Variants in SNTG2 observed in about 807,000 individuals in gnomAD.
The protein encoded by SNTG2 is syntrophin gamma 2, also known as gamma-2-syntrophin.
Under a neutral mutation model 70.9 loss-of-function variants are expected in SNTG2, and 74 were observed. The observed-to-expected ratio is 1.04, with a 90% CI of 0.86 to 1.27. The LOEUF (loss-of-function observed/expected upper bound fraction) is 1.27, where lower values mean the gene tolerates loss of function less well. Ranked by LOEUF, SNTG2 falls within the 50% of genes most tolerant of loss-of-function variation. The pLI is 0.00. For missense variants in SNTG2, 717 were observed against 690.7 expected (o/e 1.04, Z -0.43); for synonymous variants, 278 against 273.8 (o/e 1.02, Z -0.15).
chr2:1,182,116 G>A (rs961882544), intron 8 of SNTG2, among the ~76,000 whole-genome samples: 6 of 152,140 alleles, frequency 3.9e-5, no homozygotes, highest in Non-Finnish European at 5.9e-5. Context: ...GTGCAAAAAT[G>A]CTTTTCCTCG....
At chr2:1,121,087 G>A (rs748564546) in intron 4 of SNTG2, among the ~76,000 whole-genome samples, 6 of 151,634 alleles carry the variant, frequency 4.0e-5, no homozygotes, top group Non-Finnish European at 8.8e-5. Flanking sequence ...CTAAAAATCA[G>A]TAACAGGAGG....
At chr2:1,184,424 A>T (rs1672121336) in intron 8 of SNTG2, among the ~76,000 whole-genome samples, 1 of 152,240 alleles carries the variant, frequency 6.6e-6, no homozygotes, top group Non-Finnish European at 1.5e-5. Flanking sequence ...AAAAACTATG[A>T]TGACTATCTT....
chr2:1,036,648 T>C (rs896720443), intron 1 of SNTG2, among the ~76,000 whole-genome samples: 2 of 152,054 alleles, frequency 1.3e-5, no homozygotes, highest in African/African-American at 2.4e-5. Context: ...TATCACAACA[T>C]TAAATTAGAA....
chr2:1,114,561 G>T (rs1558415945), intron 4 of SNTG2, among the ~76,000 whole-genome samples: 1 of 148,640 alleles, frequency 6.7e-6, no homozygotes, highest in Non-Finnish European at 1.5e-5. Flanking sequence ...TCTCTACTAA[G>T]TGAGGTTTAA....
chr2:1,346,036 G>A (rs376570448), intron 16 of SNTG2, among the ~76,000 whole-genome samples: 3 of 726 alleles, frequency 4.1e-3, no homozygotes, highest in African/African-American at 0.017. Context: ...GTAGGACAGC[G>A]GCAGCTTCCT....
At chr2:1,113,462 CT>C (rs1162070857) in intron 4 of SNTG2, among the ~76,000 whole-genome samples, 3 of 152,098 alleles carry the variant, frequency 2.0e-5, no homozygotes, top group African/African-American at 7.2e-5. Flanking sequence ...CCATACAGTC[CT>C]TTGAGAAGGG....
At chr2:1,277,078 A>G (rs1387067151) in intron 14 of SNTG2, among the ~76,000 whole-genome samples, 1 of 152,250 alleles carries the variant, frequency 6.6e-6, no homozygotes, top group Non-Finnish European at 1.5e-5. Context: ...TTGAGATGGA[A>G]TCTACTCCTG....
At chr2:1,175,904 G>C (rs1389679843) in intron 8 of SNTG2, among the ~76,000 whole-genome samples, 1 of 152,182 alleles carries the variant, frequency 6.6e-6, no homozygotes, top group Non-Finnish European at 1.5e-5. Flanking sequence ...AAAGTAACAC[G>C]ACAGTATCGT....
At chr2:1,273,789 T>C (rs1323837450) in intron 14 of SNTG2, among the ~76,000 whole-genome samples, 1 of 151,808 alleles carries the variant, frequency 6.6e-6, no homozygotes, top group African/African-American at 2.4e-5. Context: ...GCACAAACCA[T>C]GAAAAAAAAT....
intron 4 of SNTG2, among the ~76,000 whole-genome samples, chr2:1,099,801 G>C (rs1176990837): frequency 6.6e-6 from 1 of 152,214 alleles, no homozygotes; most frequent in East Asian, 1.9e-4. Flanking sequence ...CGTTCTCAGG[G>C]AAGAGAGGTT....
intron 9 of SNTG2, among the ~76,000 whole-genome samples, chr2:1,218,895 A>T (rs1303346773): frequency 6.6e-6 from 1 of 152,236 alleles, no homozygotes; most frequent in African/African-American, 2.4e-5. Context: ...AAGATAGTTT[A>T]TGAAGGTAAG....
chr2:1,159,976 C>G (rs1347392788), intron 6 of SNTG2, among the ~76,000 whole-genome samples: 1 of 152,306 alleles, frequency 6.6e-6, no homozygotes, highest in East Asian at 1.9e-4. Flanking sequence ...AAACGGAACA[C>G]TGCGTCCGTG....
intron 1 of SNTG2, among the ~76,000 whole-genome samples, chr2:981,716 A>G (rs1661104167): frequency 6.6e-6 from 1 of 152,226 alleles, no homozygotes; most frequent in Admixed American, 6.5e-5. Flanking sequence ...CACACAAACA[A>G]GTCGTACACA....
intron 1 of SNTG2, among the ~76,000 whole-genome samples, chr2:1,030,027 C>G (rs1660726852): frequency 6.6e-6 from 1 of 151,820 alleles, no homozygotes; most frequent in South Asian, 2.1e-4. Context: ...TGCATGCTGC[C>G]TCCTTCATCT....
chr2:1,281,230 T>TG (rs1381601796), intron 14 of SNTG2, among the ~76,000 whole-genome samples: 11 of 15,268 alleles, frequency 7.2e-4, no homozygotes, highest in African/African-American at 1.4e-3. Flanking sequence ...TTTGTGTTTA[T>TG]GTGGTGTGGT....
intron 8 of SNTG2, among the ~76,000 whole-genome samples, chr2:1,201,408 G>A (rs964352910): frequency 6.6e-6 from 1 of 151,698 alleles, no homozygotes; most frequent in East Asian, 1.9e-4. Context: ...GTGGGGGGAG[G>A]TGAAGAGAAG....
chr2:962,178 A>G (rs1319955991), intron 1 of SNTG2, among the ~76,000 whole-genome samples: 2 of 152,184 alleles, frequency 1.3e-5, no homozygotes, highest in African/African-American at 4.8e-5. Flanking sequence ...AGCTCAAGCA[A>G]TGCCCCTGCC....
At chr2:1,101,754 A>G (rs768009856) in intron 4 of SNTG2, among the ~76,000 whole-genome samples, 16 of 152,202 alleles carry the variant, frequency 1.1e-4, no homozygotes, top group Non-Finnish European at 1.9e-4. Flanking sequence ...ACGGATGCTA[A>G]GAGAAGCTGT....
intron 6 of SNTG2, chr2:1,163,593 C>T (rs1670491917): frequency 3.9e-5 from 6 of 152,342 alleles, no homozygotes; most frequent in Admixed American, 3.9e-4. Flanking sequence ...GCCATCAGCA[C>T]AGGGTCACCA....
Sources: gnomAD v4.1 joint callset for allele counts (sites outside exome capture counted in the v4.1 genomes callset) on GRCh38, gnomAD v4.1.1 for gene constraint, MANE v1.5 for transcripts, NCBI Gene and HGNC (gene_info 2026-07-23, HGNC 2026-07-21) for gene names.